The following DST variants were observed in gnomAD, a reference collection of about 807,000 sequenced individuals.
The protein encoded by DST is bullous pemphigoid antigen.
Under a neutral mutation model 875.2 loss-of-function variants are expected in DST, and 253 were observed. The ratio of observed to expected loss-of-function variants is 0.29; its 90% CI spans 0.26 to 0.32. The LOEUF is 0.32. DST is among the 10% of genes least tolerant of loss of function. The pLI is 1.00. For missense variants in DST, 8,287 were observed against 9,111.6 expected (o/e 0.91, Z 3.68); for synonymous variants, 3,124 against 3,197.1 (o/e 0.98, Z 0.77).
intron 3 of DST, among the ~76,000 whole-genome samples, chr6:56,890,634 G>A (rs1786934908): frequency 6.6e-6 from 1 of 152,134 alleles, no homozygotes; most frequent in Non-Finnish European, 1.5e-5. Context: ...AATTCTTATA[G>A]GTATATTTGC....
chr6:56,795,075 A>T (rs572399096), intron 4 of DST, among the ~76,000 whole-genome samples: 1 of 152,306 alleles, frequency 6.6e-6, no homozygotes, highest in African/African-American at 2.4e-5. Context: ...CAAGTAACAG[A>T]TTTTCAAAAA....
chr6:56,562,195 C>G lies in DST; in HGVS notation c.14011G>C (p.Ala4671Pro). The G allele has an allele frequency of 6.5e-7, 1 of 1,540,110 alleles. No homozygotes were observed. Among genetic ancestry groups the G allele is most frequent in the African/African-American group, 1.4e-5 (1 of 72,858 alleles). The change falls in exon 56 of 104, where the codon GCA becomes CCA. Residue 4671 changes from alanine (A) to proline (P), a missense_variant. This residue lies in a region of DST where 1,513 missense variants were observed against 1,677.8 expected (regional missense o/e 0.90). Transcript: ENST00000680361. ...GCTGTTCCTTCACCATTTAATACTGCTCCACCTGCAAAAATAGTAACACTA... is the reference window on the plus strand; with the variant it reads ...GCTGTTCCTTCACCATTTAATACTGGTCCACCTGCAAAAATAGTAACACTA... ...KAIAAVKSGG[A>P]VLNGEGTATN...
intron 58 of DST, among the ~76,000 whole-genome samples, chr6:56,558,317 A>G (rs2097464205): frequency 6.6e-6 from 1 of 152,124 alleles, no homozygotes. Context: ...AACACAATCC[A>G]TCCAGGTGAT....
chr6:56,551,757 T>G (rs1214129366), intron 61 of DST, among the ~76,000 whole-genome samples: 1 of 152,102 alleles, frequency 6.6e-6, no homozygotes, highest in East Asian at 1.9e-4. Context: ...TGGAAGAAAT[T>G]AAGAAGGATG....
At chr6:56,912,256 C>A (rs2127719448) in intron 2 of DST, among the ~76,000 whole-genome samples, 1 of 152,312 alleles carries the variant, frequency 6.6e-6, no homozygotes, top group East Asian at 1.9e-4. Context: ...TCGGGCGCAG[C>A]ACACTGCTAA....
At chr6:56,903,509 G>A (rs1795048496) in intron 2 of DST, among the ~76,000 whole-genome samples, 1 of 152,142 alleles carries the variant, frequency 6.6e-6, no homozygotes, top group South Asian at 2.1e-4. Flanking sequence ...ACCCAGGCTG[G>A]AGTGCAGTGG....
chr6:56,725,886 T>C (rs1400667682), intron 5 of DST, among the ~76,000 whole-genome samples: 2 of 152,166 alleles, frequency 1.3e-5, no homozygotes, highest in African/African-American at 4.8e-5. Context: ...ATGCCATGGG[T>C]TCCTTAAATT....
chr6:56,820,107 T>C (rs993557461), intron 4 of DST, among the ~76,000 whole-genome samples: 3 of 152,220 alleles, frequency 2.0e-5, no homozygotes, highest in African/African-American at 7.2e-5. Flanking sequence ...ACAGATGGCC[T>C]GGTTTAGAAT....
Position 56,566,204 on chromosome 6 carries a change from T to C in DST, c.14005+2265A>G, listed in dbSNP as rs1239679550. ...TCAGCCCCCTTTCCAGGGGAGTGAA[T>C]GGTTCTGTCTCACTGGTGTTCCAGG... is the stretch of plus-strand genomic sequence containing the variant. On this transcript the variant is annotated intron_variant, in intron 55 of 103. Transcript: ENST00000680361. Among the ~76,000 whole-genome samples, 3 of 152,002 alleles carry C rather than the reference T, an allele frequency of 2.0e-5. No individual in the cohort carries two copies. In the East Asian group the frequency reaches 5.8e-4, roughly 29 times the overall value.
At chr6:56,540,798 C>T (rs2097111911) in intron 61 of DST, 1 of 152,556 alleles carries the variant, frequency 6.6e-6, no homozygotes, top group African/African-American at 2.4e-5. Context: ...GGAGAAACAT[C>T]ATGTAAAATC....
rs770936721 is a variant in DST at position 56,608,635 on chromosome 6, T to C, written c.5993A>G (p.Asn1998Ser). 1.9e-6 allele frequency: 3 copies of C among 1,613,348 alleles called. No individual in the cohort carries two copies. Among genetic ancestry groups the C allele is most frequent in the Admixed American group, 1.7e-5 (1 of 59,872 alleles). Residue 1998 changes from asparagine (N) to serine (S), a missense_variant, in exon 40 of 104, where the codon AAT becomes AGT. Coordinates refer to ENST00000680361, the MANE Select transcript of DST (RefSeq NM_001374736.1). ...AGTCATTCTTTGGCCAGAGTTGGAA[T>C]TGATCAGACCTCCAGAAAGAAGCTG... ...SAQLLSGGLI[N>S]SNSGQRMTVE...
intron 4 of DST, among the ~76,000 whole-genome samples, chr6:56,826,170 T>C (rs2099780259): frequency 6.6e-6 from 1 of 152,164 alleles, no homozygotes; most frequent in Non-Finnish European, 1.5e-5. Context: ...AATCAGACAC[T>C]GAAAATAATA....
chr6:56,906,487 G>A (rs183518410), intron 2 of DST, among the ~76,000 whole-genome samples: 1 of 152,222 alleles, frequency 6.6e-6, no homozygotes, highest in East Asian at 1.9e-4. Flanking sequence ...TGTACAGTAA[G>A]AAGAAGACAA....
rs758518824 is a variant in DST at position 56,597,737 on chromosome 6, C to T, written c.12195+3G>A. On this transcript the variant is annotated splice_donor_region_variant and intron_variant, in intron 47 of 103. Transcript: ENST00000680361. ...ACGATATCATATGTTTATAACAACACACCTTAACTTTCTGATATTGCTGAT... is the reference window on the plus strand; with the variant it reads ...ACGATATCATATGTTTATAACAACATACCTTAACTTTCTGATATTGCTGAT... 1.9e-6 allele frequency: 3 copies of T among 1,612,578 alleles called. No individual in the cohort carries two copies. Among genetic ancestry groups the T allele is most frequent in the East Asian group, 4.5e-5 (2 of 44,862 alleles).
chr6:56,482,657 C>A, intron 89 of DST, 26 bp downstream of exon 89: 1 of 1,597,140 alleles, frequency 6.3e-7, no homozygotes, highest in Middle Eastern at 1.8e-4. Flanking sequence ...CCCATTACAC[C>A]CAGCTCTCAT....
chr6:56,653,168 C>T (rs921438222), intron 10 of DST, among the ~76,000 whole-genome samples: 1 of 152,132 alleles, frequency 6.6e-6, no homozygotes, highest in Non-Finnish European at 1.5e-5. Flanking sequence ...ATTGAAGAAT[C>T]AAGTTTTTCA....
chr6:56,464,379 G>T (rs941583447), intron 100 of DST: 7 of 395,356 alleles, frequency 1.8e-5, no homozygotes, highest in Non-Finnish European at 2.7e-5. Flanking sequence ...CAGACCCAAG[G>T]ATCTGTGAGG....
intron 55 of DST, among the ~76,000 whole-genome samples, chr6:56,562,670 C>T (rs973853882): frequency 1.3e-5 from 2 of 151,812 alleles, no homozygotes; most frequent in African/African-American, 4.8e-5. Context: ...TATACACATG[C>T]CATGGAGGTT....
At chr6:56,534,863 AC>A (rs369719752) in intron 63 of DST, among the ~76,000 whole-genome samples, 59 of 151,974 alleles carry the variant, frequency 3.9e-4, no homozygotes, top group African/African-American at 1.3e-3. Flanking sequence ...ATCCTGGCAC[AC>A]CCTTCCCACT....
Sources: gnomAD v4.1 joint callset for allele counts (sites outside exome capture counted in the v4.1 genomes callset) on GRCh38, gnomAD v4.1.1 for gene constraint, gnomAD v4.1.1 regional missense constraint, MANE v1.5 for transcripts, NCBI Gene and HGNC (gene_info 2026-07-23, HGNC 2026-07-21) for gene names.